The following PBX3 variants were observed in gnomAD, a reference collection of about 807,000 sequenced individuals.
PBX3 encodes the protein pre-B-cell leukemia transcription factor 3.
Under a neutral mutation model 48.5 loss-of-function variants are expected in PBX3, and 14 were observed. That is an observed-to-expected ratio of 0.29 (90% CI 0.19 to 0.45). PBX3 has a LOEUF of 0.45. Ranked by LOEUF, PBX3 falls within the 20% of genes least tolerant of loss-of-function variation. PBX3 has a pLI of 1.00. For missense variants in PBX3, 386 were observed against 546.7 expected (o/e 0.71, Z 2.93); for synonymous variants, 210 against 200.3 (o/e 1.05, Z -0.41).
At chr9:125,749,644 T>TG (rs764772114) in intron 2 of PBX3, 4 of 151,800 alleles carry the variant, frequency 2.6e-5, no homozygotes, top group African/African-American at 4.8e-5. Flanking sequence ...GAGAAAAAGT[T>TG]GAAGTCCAGG....
chr9:125,754,888 G>A (rs923495183), intron 2 of PBX3, among the ~76,000 whole-genome samples: 1 of 151,930 alleles, frequency 6.6e-6, no homozygotes, highest in Non-Finnish European at 1.5e-5. Context: ...AAATATTTAT[G>A]GATAAAAATA....
intron 5 of PBX3, among the ~76,000 whole-genome samples, chr9:125,956,541 G>T (rs926910327): frequency 1.3e-5 from 2 of 152,180 alleles, no homozygotes; most frequent in African/African-American, 4.8e-5. Flanking sequence ...GCTGCTCCTT[G>T]GCCTTGCAGA....
chr9:125,909,181 C>T (rs1841146710), intron 2 of PBX3, among the ~76,000 whole-genome samples: 2 of 152,160 alleles, frequency 1.3e-5, no homozygotes, highest in Non-Finnish European at 1.5e-5. Context: ...TTCACAGTGA[C>T]AAGGCTCACT....
chr9:125,953,100 C>T (rs1477964004), intron 5 of PBX3, among the ~76,000 whole-genome samples: 1 of 152,012 alleles, frequency 6.6e-6, no homozygotes, highest in Non-Finnish European at 1.5e-5. Context: ...TATTTCCCCT[C>T]AACATGATCT....
chr9:125,940,278 A>G (rs1451618588), intron 5 of PBX3, among the ~76,000 whole-genome samples: 1 of 152,230 alleles, frequency 6.6e-6, no homozygotes, highest in African/African-American at 2.4e-5. Flanking sequence ...TCTTAATTTT[A>G]GTGGCAGGTT....
chr9:125,900,786 A>G (rs1564164431), intron 2 of PBX3, among the ~76,000 whole-genome samples: 1 of 151,770 alleles, frequency 6.6e-6, no homozygotes, highest in East Asian at 1.9e-4. Flanking sequence ...CTGAATGTGG[A>G]ATTTATTTTA....
chr9:125,755,672 G>GTTT (rs11310993), intron 2 of PBX3, among the ~76,000 whole-genome samples: 73 of 95,200 alleles, frequency 7.7e-4, no homozygotes, highest in Non-Finnish European at 8.2e-4. Context: ...GAGGAGCTTT[G>GTTT]TTTTTTTTTT....
intron 2 of PBX3, chr9:125,843,887 C>T (rs1758104383): frequency 2.2e-6 from 1 of 453,582 alleles, no homozygotes; most frequent in Non-Finnish European, 4.4e-6. Context: ...AAGGCAATTG[C>T]CAGGGGTTAA....
chr9:125,836,933 A>G (rs1374016688), intron 2 of PBX3, among the ~76,000 whole-genome samples: 3 of 152,230 alleles, frequency 2.0e-5, no homozygotes, highest in African/African-American at 7.2e-5. Flanking sequence ...TGCTAGTGGG[A>G]ACATAAATTG....
At position 125,747,398 on chromosome 9, in the gene PBX3, G is replaced by T; in HGVS notation, c.-56G>T. The T allele has an allele frequency of 1.2e-6, 1 of 815,130 alleles. No homozygotes were observed. The highest frequency in any genetic ancestry group is 1.5e-6 in the Non-Finnish European group (1 of 653,364). 50.5% of individuals were successfully genotyped at this position (815,130 alleles called of 1,614,324 possible). On this transcript the variant is annotated 5_prime_UTR_variant, in exon 1 of 9. Transcript: ENST00000373489. ...CTCCTCCCTCGTCGCCGCCGCCGCC[G>T]CCGCCGCCTCAGCCTTCGCCTCAGC...
At chr9:125,894,699 G>T (rs1379592375) in intron 2 of PBX3, among the ~76,000 whole-genome samples, 1 of 152,134 alleles carries the variant, frequency 6.6e-6, no homozygotes. Flanking sequence ...AATGCTGACA[G>T]ATATAGCTTG....
intron 2 of PBX3, among the ~76,000 whole-genome samples, chr9:125,858,623 T>C (rs570177769): frequency 3.7e-5 from 1 of 26,814 alleles, no homozygotes; most frequent in African/African-American, 1.2e-4. Flanking sequence ...CTTTGGTCCA[T>C]TTTTTTTTTT....
chr9:125,958,291 C>G (rs1220653683), intron 5 of PBX3, among the ~76,000 whole-genome samples: 1 of 152,210 alleles, frequency 6.6e-6, no homozygotes, highest in African/African-American at 2.4e-5. Context: ...TACTGCTCTG[C>G]CTGGCTCAGG....
Position 125,830,005 on chromosome 9 carries a change from T to C in PBX3, c.274+81382T>C, listed in dbSNP as rs868014201. Among the ~76,000 whole-genome samples, 2 of 152,186 alleles carry C rather than the reference T, an allele frequency of 1.3e-5. 1 individual carries two copies. Among genetic ancestry groups the C allele is most frequent in the South Asian group, 4.1e-4 (2 of 4,832 alleles). ...CCCTTGTGGAACTGCAAAGGTGAAC[T>C]GAAGTTGGGAGGCAGTGTCTCGCGT... On this transcript the variant is annotated intron_variant, in intron 2 of 8. Coordinates refer to ENST00000373489, the MANE Select transcript of PBX3 (RefSeq NM_006195.6).
At chr9:125,818,422 C>T (rs1838536600) in intron 2 of PBX3, among the ~76,000 whole-genome samples, 1 of 151,548 alleles carries the variant, frequency 6.6e-6, no homozygotes, top group Non-Finnish European at 1.5e-5. Context: ...ACAGCCTCTG[C>T]CTCCTGGGTT....
chr9:125,947,381 A>G (rs1241792621), intron 5 of PBX3, among the ~76,000 whole-genome samples: 4 of 152,168 alleles, frequency 2.6e-5, no homozygotes, highest in African/African-American at 9.7e-5. Context: ...GAGGAGAGTA[A>G]GTGTTCTAAG....
chr9:125,802,922 G>T (rs56054688), intron 2 of PBX3, among the ~76,000 whole-genome samples: 5,501 of 151,518 alleles, frequency 0.036, 347 homozygotes, highest in African/African-American at 0.13. Flanking sequence ...CAGGTGATCT[G>T]CCCGCCTCGG....
At chr9:125,850,245 A>G (rs950493341) in intron 2 of PBX3, among the ~76,000 whole-genome samples, 1 of 151,988 alleles carries the variant, frequency 6.6e-6, no homozygotes, top group African/African-American at 2.4e-5. Context: ...TATTTCCACG[A>G]GAGTCTGCAG....
At position 125,916,458 on chromosome 9, in the gene PBX3, G is replaced by A. The variant is rs554282675; in HGVS notation, c.516+531G>A. On this transcript the variant is annotated intron_variant, in intron 3 of 8. Transcript: ENST00000373489. Reference sequence around the variant, plus strand: ...ATGAGACCTCCCAAGATAATTATGGGTACCCCAGGACAGGGAATGCTAGGC... The same window carrying A: ...ATGAGACCTCCCAAGATAATTATGGATACCCCAGGACAGGGAATGCTAGGC... 9.3e-4 allele frequency among the ~76,000 whole-genome samples: 142 copies of A among 152,208 alleles called. 1 individual carries two copies. Among genetic ancestry groups the A allele is most frequent in the Admixed American group, 1.5e-3 (23 of 15,294 alleles).
Sources: gnomAD v4.1 joint callset for allele counts (sites outside exome capture counted in the v4.1 genomes callset) on GRCh38, gnomAD v4.1.1 for gene constraint, MANE v1.5 for transcripts, NCBI Gene and HGNC (gene_info 2026-07-23, HGNC 2026-07-21) for gene names.